The following NPIPB2 variants were observed in gnomAD, a reference collection of about 807,000 sequenced individuals.
The protein encoded by NPIPB2 is nuclear pore complex interacting protein family member B2.
NPIPB2 carries 27 observed loss-of-function variants against 30.8 expected under a neutral mutation model. The ratio of observed to expected loss-of-function variants is 0.88; its 90% CI spans 0.65 to 1.21. The LOEUF is 1.21. Among genes scored for constraint, NPIPB2 ranks in the 50% most tolerant of loss-of-function variants. The pLI is 0.00. For synonymous variants in NPIPB2, 147 were observed against 162.0 expected (o/e 0.91, Z 0.70); for missense variants, 440 against 446.2 (o/e 0.99, Z 0.13).
chr16:11,965,603 A>G (rs2150939886), intron 1 of NPIPB2: 1 of 814,694 alleles, frequency 1.2e-6, no homozygotes, highest in Admixed American at 2.8e-5. Context: ...TTTAATGTTT[A>G]TGGAAACAAA....
chr16:11,975,402 C>T (rs891071652), intron 1 of NPIPB2, among the ~76,000 whole-genome samples: 2 of 151,696 alleles, frequency 1.3e-5, no homozygotes, highest in Non-Finnish European at 2.9e-5. Context: ...CCGCCTCGGC[C>T]TCCCAAAGTG....
intron 1 of NPIPB2, among the ~76,000 whole-genome samples, chr16:11,971,035 T>C (rs575421629): frequency 6.6e-6 from 1 of 151,664 alleles, no homozygotes; most frequent in Admixed American, 6.6e-5. Context: ...TTTTATTCTT[T>C]TAGTAGAGAT....
intron 1 of NPIPB2, 78 bp downstream of exon 1, chr16:11,941,905 C>T: frequency 1.0e-6 from 1 of 986,514 alleles, no homozygotes; most frequent in Non-Finnish European, 1.5e-6. Flanking sequence ...TCCTGAGCTC[C>T]CAGGGTTCCT....
At chr16:11,937,033 A>T (rs926810615) in intron 2 of NPIPB2, among the ~76,000 whole-genome samples, 2 of 151,738 alleles carry the variant, frequency 1.3e-5, no homozygotes, top group African/African-American at 4.8e-5. Context: ...CTCTCCCCTC[A>T]GAAGAGGGTG....
chr16:11,963,470 A>T (rs1466657298), intron 1 of NPIPB2, among the ~76,000 whole-genome samples: 1 of 152,056 alleles, frequency 6.6e-6, no homozygotes, highest in East Asian at 1.9e-4. Flanking sequence ...TCCTTGGCAC[A>T]CTCCTTGGGC....
intron 1 of NPIPB2, among the ~76,000 whole-genome samples, chr16:11,959,408 C>A (rs185494716): frequency 4.8e-4 from 73 of 152,062 alleles, no homozygotes; most frequent in African/African-American, 1.5e-3. Flanking sequence ...AGAGCAAGAC[C>A]CTGCCCTTAC....
chr16:11,936,227 C>T (rs2054865681), intron 2 of NPIPB2, among the ~76,000 whole-genome samples: 1 of 150,698 alleles, frequency 6.6e-6, no homozygotes, highest in Admixed American at 6.7e-5. Flanking sequence ...TCACTTGAAG[C>T]CAGGAGGTGG....
At chr16:11,971,383 T>C (rs1038361174) in intron 1 of NPIPB2, among the ~76,000 whole-genome samples, 2 of 112,790 alleles carry the variant, frequency 1.8e-5, no homozygotes, top group Admixed American at 2.8e-4. Context: ...TCAATACATA[T>C]AAAATGTACA....
chr16:11,955,122 C>A (rs966126500), intron 1 of NPIPB2, among the ~76,000 whole-genome samples: 1 of 151,826 alleles, frequency 6.6e-6, no homozygotes, highest in Non-Finnish European at 1.5e-5. Flanking sequence ...CACCTATAAT[C>A]CCAGCATGGT....
chr16:11,935,636 T>C (rs1316904163), intron 2 of NPIPB2, among the ~76,000 whole-genome samples: 4 of 151,872 alleles, frequency 2.6e-5, no homozygotes, highest in African/African-American at 4.8e-5. Context: ...TTTCAAATTC[T>C]TTGTAGAATT....
exon 1 of NPIPB2, chr16:11,976,570 T>G (rs2055301069): frequency 2.8e-6 from 1 of 360,020 alleles, no homozygotes; most frequent in Admixed American, 4.7e-5. Context: ...GGGTTTACCC[T>G]GAGTCTCCAG....
intron 1 of NPIPB2, among the ~76,000 whole-genome samples, chr16:11,938,965 C>T (rs1378333747): frequency 6.6e-6 from 1 of 151,990 alleles, no homozygotes; most frequent in East Asian, 1.9e-4. Context: ...CCAGGCTGGT[C>T]TCCAACTCCT....
upstream of NPIPB2, among the ~76,000 whole-genome samples, chr16:11,943,556 G>A (rs530142776): frequency 1.1e-4 from 17 of 148,544 alleles, no homozygotes; most frequent in Non-Finnish European, 2.4e-4. Flanking sequence ...ACAAAAATTA[G>A]CCAGGCATGG....
intron 1 of NPIPB2, among the ~76,000 whole-genome samples, chr16:11,962,060 C>T (rs2055156327): frequency 6.6e-6 from 1 of 151,732 alleles, no homozygotes; most frequent in Non-Finnish European, 1.5e-5. Flanking sequence ...ATTAGCTGGG[C>T]ATGGTGGCAT....
At chr16:11,951,328 G>T (rs1178455590) in intron 1 of NPIPB2, among the ~76,000 whole-genome samples, 2 of 150,974 alleles carry the variant, frequency 1.3e-5, no homozygotes, top group East Asian at 3.9e-4. Context: ...GCCGGGCATA[G>T]TGGCGGGCAC....
At chr16:11,933,568 T>A (rs753918714) in exon 4 of NPIPB2, 2 of 1,597,008 alleles carry the variant, frequency 1.3e-6, no homozygotes, top group Middle Eastern at 2.3e-4. Context: ...ATGGTTGATT[T>A]TCGTTGTCAC....
At chr16:11,947,568 TCTC>T (rs2055024526) in intron 1 of NPIPB2, among the ~76,000 whole-genome samples, 1 of 151,488 alleles carries the variant, frequency 6.6e-6, no homozygotes, top group Non-Finnish European at 1.5e-5. Flanking sequence ...AGGGTCTCAA[TCTC>T]CTGACCTCGT....
At chr16:11,957,901 C>T (rs183791869) in intron 1 of NPIPB2, among the ~76,000 whole-genome samples, 1 of 152,304 alleles carries the variant, frequency 6.6e-6, no homozygotes, top group African/African-American at 2.4e-5. Context: ...ATCTCTGTCT[C>T]TAGCTCTGTA....
Position 11,973,263 on chromosome 16 carries a change from G to C in NPIPB2, c.-584+3305C>G, listed in dbSNP as rs577355428. Among the ~76,000 whole-genome samples, 3 of 151,954 alleles carry C rather than the reference G, an allele frequency of 2.0e-5. No individual in the cohort carries two copies. The South Asian group carries it at 6.2e-4, about 32-fold the overall frequency. Reference sequence around the variant, plus strand: ...TGGCTCCCATTTCCCATCATGGCCTGAACTAGTTTTTCAGGTTGCCTTTGG... The same window carrying C: ...TGGCTCCCATTTCCCATCATGGCCTCAACTAGTTTTTCAGGTTGCCTTTGG... On this transcript the variant is annotated intron_variant, in intron 1 of 5. Transcript: ENST00000538896.
Sources: allele counts gnomAD v4.1 joint callset (sites outside exome capture counted in the v4.1 genomes callset), GRCh38; gene constraint gnomAD v4.1.1; transcripts MANE v1.5; gene names NCBI Gene and HGNC (gene_info 2026-07-23, HGNC 2026-07-21).